The following OR2C1 variants were observed in gnomAD, a reference collection of about 807,000 sequenced individuals.
OR2C1 encodes the protein olfactory receptor 2C1.
For missense variants in OR2C1, 468 were observed against 388.3 expected (o/e 1.21, Z -1.73); for synonymous variants, 209 against 167.3 (o/e 1.25, Z -1.92).
the OR2C1 span, among the ~76,000 whole-genome samples, chr16:3,327,241 T>C: frequency 7.2e-5 from 11 of 152,144 alleles, no homozygotes; most frequent in African/African-American, 2.4e-4. Flanking sequence ...CCTCCAGTTT[T>C]TTTATTTTTT....
the OR2C1 span, among the ~76,000 whole-genome samples, chr16:3,339,781 C>A: frequency 6.6e-6 from 1 of 152,144 alleles, no homozygotes; most frequent in East Asian, 1.9e-4. Context: ...ATCAGCAATG[C>A]ATGAGAGTTC....
the OR2C1 span, among the ~76,000 whole-genome samples, chr16:3,345,960 T>C: frequency 6.7e-6 from 1 of 148,962 alleles, no homozygotes; most frequent in Non-Finnish European, 1.5e-5. Context: ...CAGCATCCCA[T>C]GTAGCTGGGA....
the OR2C1 span, among the ~76,000 whole-genome samples, chr16:3,330,099 TTTG>T: frequency 1.4e-5 from 2 of 148,002 alleles, no homozygotes; most frequent in African/African-American, 4.9e-5. Flanking sequence ...TTTTTGTTTT[TTTG>T]TTTTGTTTGT....
At chr16:3,346,685 AGTGGCG>A in the OR2C1 span, among the ~76,000 whole-genome samples, 2 of 136,982 alleles carry the variant, frequency 1.5e-5, no homozygotes, top group African/African-American at 5.4e-5. Context: ...GCTGGAGTGC[AGTGGCG>A]CAATCTTGGC....
chr16:3,343,414 T>A, the OR2C1 span, among the ~76,000 whole-genome samples: 2 of 152,132 alleles, frequency 1.3e-5, no homozygotes, highest in Admixed American at 6.6e-5. Context: ...TTCTTACAAC[T>A]TTACGTGGAC....
At chr16:3,338,308 C>T in the OR2C1 span, among the ~76,000 whole-genome samples, 3 of 152,116 alleles carry the variant, frequency 2.0e-5, no homozygotes, top group Non-Finnish European at 4.4e-5. Flanking sequence ...CATGATGCTT[C>T]CTGTGTGTTG....
At chr16:3,333,210 CATTTTTTTTTTTTTTTTTTTTTTTTT>C in the OR2C1 span, among the ~76,000 whole-genome samples, 5 of 33,030 alleles carry the variant, frequency 1.5e-4, no homozygotes, top group Non-Finnish European at 3.3e-4. Flanking sequence ...ATCTTTTGCC[CATTTTTTTTTTTTTTTTTTTTTTTTT>C]TTTTTTTTTT....
At chr16:3,329,252 C>G in the OR2C1 span, among the ~76,000 whole-genome samples, 1 of 148,896 alleles carries the variant, frequency 6.7e-6, no homozygotes, top group Admixed American at 6.8e-5. Context: ...TGGAAACATT[C>G]TGCCTGCATT....
upstream of OR2C1, among the ~76,000 whole-genome samples, chr16:3,354,849 T>G (rs867374488): frequency 6.6e-6 from 1 of 152,136 alleles, no homozygotes. Context: ...ACTGCTGCCT[T>G]GAACACTGGG....
At chr16:3,328,069 A>G in the OR2C1 span, among the ~76,000 whole-genome samples, 1 of 151,988 alleles carries the variant, frequency 6.6e-6, no homozygotes, top group Non-Finnish European at 1.5e-5. Flanking sequence ...GTAATGAGGA[A>G]TTTTCTCTCC....
At position 3,356,143 on chromosome 16, in the gene OR2C1, C is replaced by T; in HGVS notation, c.203C>T (p.Ser68Phe). 6.2e-7 allele frequency: 1 copy of T among 1,614,234 alleles called. No homozygotes were observed. Among genetic ancestry groups the T allele is most frequent in the African/African-American group, 1.3e-5 (1 of 75,064 alleles). Reference protein sequence around the residue: ...PMYFFLSNLSSLDLAFATSSV... With the variant: ...PMYFFLSNLSFLDLAFATSSV... ...TACTTCTTCCTCAGCAACCTCTCCTCCTTGGACCTTGCTTTCGCTACTAGT... is the reference window on the plus strand; with the variant it reads ...TACTTCTTCCTCAGCAACCTCTCCTTCTTGGACCTTGCTTTCGCTACTAGT... Residue 68 changes from serine (S) to phenylalanine (F), a missense_variant, in exon 1 of 1, where the codon TCC (serine) becomes TTC (phenylalanine). Coordinates refer to ENST00000304936, the MANE Select transcript of OR2C1 (RefSeq NM_012368.3).
At chr16:3,346,188 C>A in the OR2C1 span, among the ~76,000 whole-genome samples, 2 of 150,426 alleles carry the variant, frequency 1.3e-5, no homozygotes, top group African/African-American at 4.9e-5. Context: ...CTTTGCTTTG[C>A]TGTGTGTGTG....
the OR2C1 span, among the ~76,000 whole-genome samples, chr16:3,335,343 G>A: frequency 1.3e-5 from 2 of 151,948 alleles, no homozygotes; most frequent in Non-Finnish European, 2.9e-5. Flanking sequence ...TGGTGTGTAT[G>A]CTCTTCAGTG....
the OR2C1 span, among the ~76,000 whole-genome samples, chr16:3,333,910 C>G: frequency 6.6e-6 from 1 of 151,696 alleles, no homozygotes; most frequent in Middle Eastern, 3.4e-3. Flanking sequence ...ATTATTCTAC[C>G]TATGTATATC....
chr16:3,350,294 A>G, the OR2C1 span, among the ~76,000 whole-genome samples: 19 of 151,500 alleles, frequency 1.3e-4, 1 homozygote, highest in African/African-American at 4.6e-4. Context: ...ACCTCAGATG[A>G]TCCACCTGCC....
chr16:3,343,522 C>T, the OR2C1 span, among the ~76,000 whole-genome samples: 5 of 152,096 alleles, frequency 3.3e-5, no homozygotes, highest in East Asian at 1.9e-4. Flanking sequence ...GAGGCTGAGG[C>T]GGGCAGATCA....
upstream of OR2C1, among the ~76,000 whole-genome samples, chr16:3,353,813 A>AGAAG (rs113702538): frequency 3.2e-4 from 48 of 151,824 alleles, no homozygotes; most frequent in East Asian, 1.7e-3. Context: ...AAAAAGAGAA[A>AGAAG]GAAGGAAGGA....
chr16:3,323,340 A>G, the OR2C1 span: 24 of 1,107,258 alleles, frequency 2.2e-5, no homozygotes, highest in East Asian at 5.6e-4. Context: ...GAAATGCTTC[A>G]CTGGGAGGCA....
the OR2C1 span, among the ~76,000 whole-genome samples, chr16:3,341,026 C>G: frequency 6.6e-6 from 1 of 151,156 alleles, no homozygotes; most frequent in Non-Finnish European, 1.5e-5. Context: ...ATGCATTGAA[C>G]TTGTAGATCA....
Sources: gnomAD v4.1 joint callset for allele counts (sites outside exome capture counted in the v4.1 genomes callset) on GRCh38, gnomAD v4.1.1 for gene constraint, MANE v1.5 for transcripts, NCBI Gene and HGNC (gene_info 2026-07-23, HGNC 2026-07-21) for gene names.